MACROD2: variants seen among roughly 807,000 people sequenced by gnomAD.
MACROD2 encodes the protein ADP-ribose glycohydrolase MACROD2.
Under a neutral mutation model 70.4 loss-of-function variants are expected in MACROD2, and 36 were observed. The observed-to-expected ratio is 0.51, with a 90% CI of 0.39 to 0.68. The LOEUF (loss-of-function observed/expected upper bound fraction) is 0.68. Ranked by LOEUF, MACROD2 falls within the 30% of genes least tolerant of loss-of-function variation. The pLI is 0.00. For synonymous variants in MACROD2, 172 were observed against 178.8 expected, an observed-to-expected ratio of 0.96 and a Z score of 0.30; for missense variants, 496 against 538.4, an observed-to-expected ratio of 0.92 and a Z score of 0.78.
chr20:13,995,679 T>G lies in MACROD2; in HGVS notation c.-85T>G. On this transcript the variant is annotated 5_prime_UTR_variant, in exon 1 of 18. Coordinates refer to ENST00000684519, the MANE Select transcript of MACROD2 (RefSeq NM_001351661.2). This position sits in a 1 kb window ranked among gnomAD's most constrained non-coding sequence, Gnocchi z 4.3. ...CACTTTTTCCCTGCTGAGTGCCCCC[T>G]CCCACCCCTCCCACTCCACACACAC... The G allele has an allele frequency of 1.7e-5, 10 of 573,442 alleles. No homozygotes were observed. The highest frequency in any genetic ancestry group is 4.2e-5 in the East Asian group (1 of 23,822). 35.5% of individuals were successfully genotyped at this position (573,442 alleles called of 1,614,324 possible).
chr20:15,958,974 G>A (rs1391032267), intron 12 of MACROD2, among the ~76,000 whole-genome samples: 1 of 152,130 alleles, frequency 6.6e-6, no homozygotes, highest in East Asian at 1.9e-4. Flanking sequence ...ATAAATGTTG[G>A]TTAAGCCACC....
chr20:15,209,115 GTATTTATTTATT>G (rs56191744), intron 5 of MACROD2, among the ~76,000 whole-genome samples: 3 of 147,074 alleles, frequency 2.0e-5, no homozygotes, highest in South Asian at 2.2e-4. Context: ...GGTGGTGGTG[GTATTTATTTATT>G]TATTTATTTA....
At chr20:15,385,325 T>C (rs1231045820) in intron 6 of MACROD2, among the ~76,000 whole-genome samples, 5 of 152,196 alleles carry the variant, frequency 3.3e-5, no homozygotes, top group East Asian at 1.9e-4. Context: ...ACTCAAATCA[T>C]AGAAAGCATT....
At chr20:14,923,505 A>G (rs868251611) in intron 5 of MACROD2, among the ~76,000 whole-genome samples, 1 of 152,112 alleles carries the variant, frequency 6.6e-6, no homozygotes, top group Non-Finnish European at 1.5e-5. Flanking sequence ...CTCTTAGGTC[A>G]CAGCAACTCT....
chr20:15,375,494 T>C (rs922768640), intron 6 of MACROD2, among the ~76,000 whole-genome samples: 8 of 152,142 alleles, frequency 5.3e-5, no homozygotes, highest in African/African-American at 1.9e-4. Context: ...AAAATCTCGG[T>C]ATGCCAAGAT....
rs141322782 is a variant in MACROD2 at position 15,957,006 on chromosome 20, C to T, written c.908-10547C>T. The stretch of plus-strand genomic sequence containing the variant: ...CAAAAATATGAATGAATTTCACAAA[C>T]GTAATGTTGTGCAAAAGCAAGAAGA... On this transcript the variant is annotated intron_variant, in intron 12 of 17. Coordinates refer to ENST00000684519, the MANE Select transcript of MACROD2 (RefSeq NM_001351661.2). Among the ~76,000 whole-genome samples, 6 of 152,230 alleles carry T rather than the reference C, an allele frequency of 3.9e-5. No homozygotes were observed. In the East Asian group the frequency reaches 7.7e-4, roughly 20 times the overall value.
At chr20:15,724,540 C>T (rs766121049) in intron 8 of MACROD2, among the ~76,000 whole-genome samples, 1 of 152,050 alleles carries the variant, frequency 6.6e-6, no homozygotes, top group African/African-American at 2.4e-5. Context: ...GCTTAAAAGA[C>T]TATCTTTGTT....
At chr20:14,014,218 T>C (rs2148619200) in intron 2 of MACROD2, among the ~76,000 whole-genome samples, 1 of 151,796 alleles carries the variant, frequency 6.6e-6, no homozygotes, top group South Asian at 2.1e-4. Context: ...TTTTCCTTTC[T>C]TGCTCCCCCC....
chr20:14,430,451 A>G (rs2083982678), intron 3 of MACROD2, among the ~76,000 whole-genome samples: 1 of 152,190 alleles, frequency 6.6e-6, no homozygotes, highest in Admixed American at 6.6e-5. Flanking sequence ...TGCTACATTT[A>G]GCAATCGGTT....
intron 8 of MACROD2, among the ~76,000 whole-genome samples, chr20:15,817,681 CAT>C (rs1373933894): frequency 1.3e-5 from 2 of 152,164 alleles, no homozygotes; most frequent in African/African-American, 4.8e-5. Flanking sequence ...AGACCACCAC[CAT>C]ATCTCTCCTG....
intron 8 of MACROD2, among the ~76,000 whole-genome samples, chr20:15,666,204 G>T (rs1035566553): frequency 1.3e-5 from 2 of 152,058 alleles, no homozygotes; most frequent in African/African-American, 4.8e-5. Context: ...TCCCAAAAAC[G>T]CAAATAATGT....
intron 4 of MACROD2, among the ~76,000 whole-genome samples, chr20:14,680,957 AAAAAGACAACAAAAATTAGC>A (rs1242656729): frequency 6.6e-6 from 1 of 152,162 alleles, no homozygotes; most frequent in African/African-American, 2.4e-5. Context: ...ACTCAGTAAT[AAAAAGACAACAAAAATTAGC>A]AAAAGACATG....
At chr20:14,931,321 A>G (rs959182551) in intron 5 of MACROD2, among the ~76,000 whole-genome samples, 2 of 152,164 alleles carry the variant, frequency 1.3e-5, no homozygotes, top group African/African-American at 4.8e-5. Flanking sequence ...AAAAGCATGC[A>G]TATTATATAG....
intron 3 of MACROD2, among the ~76,000 whole-genome samples, chr20:14,137,128 C>T (rs1176975322): frequency 6.6e-6 from 1 of 152,176 alleles, no homozygotes; most frequent in Admixed American, 6.5e-5. Flanking sequence ...ACGTTCTACA[C>T]AGTTGAAAAT....
intron 15 of MACROD2, among the ~76,000 whole-genome samples, chr20:16,030,099 T>G: frequency 6.6e-6 from 1 of 152,154 alleles, no homozygotes; most frequent in East Asian, 1.9e-4. Context: ...AGACTGACTC[T>G]TTCTCCTGGA....
intron 8 of MACROD2, among the ~76,000 whole-genome samples, chr20:15,800,743 G>C (rs1478426385): frequency 2.0e-5 from 3 of 152,240 alleles, no homozygotes; most frequent in Admixed American, 6.5e-5. Flanking sequence ...TTGTGGAATA[G>C]AAAGGGGGGA....
chr20:15,407,351 A>G (rs1008272650), intron 6 of MACROD2, among the ~76,000 whole-genome samples: 4 of 152,098 alleles, frequency 2.6e-5, no homozygotes, highest in Non-Finnish European at 5.9e-5. Context: ...AGCACCCCCA[A>G]CAGGATGGAG....
chr20:15,398,690 T>C (rs2045891820), intron 6 of MACROD2, among the ~76,000 whole-genome samples: 1 of 152,264 alleles, frequency 6.6e-6, no homozygotes, highest in African/African-American at 2.4e-5. Context: ...TTCTCTCTTT[T>C]TGCCGTCTTC....
chr20:14,336,651 G>C (rs890075519), intron 3 of MACROD2, among the ~76,000 whole-genome samples: 3 of 152,192 alleles, frequency 2.0e-5, no homozygotes, highest in African/African-American at 7.2e-5. Flanking sequence ...ATCAGGCATA[G>C]CTTCCAGGGT....
Sources: gnomAD v4.1 joint callset for allele counts (sites outside exome capture counted in the v4.1 genomes callset) on GRCh38, gnomAD v4.1.1 for gene constraint, Gnocchi (gnomAD v3.1) non-coding constraint, MANE v1.5 for transcripts, NCBI Gene and HGNC (gene_info 2026-07-23, HGNC 2026-07-21) for gene names.